The following NRXN3 variants were observed in gnomAD, a reference collection of about 807,000 sequenced individuals.
NRXN3 encodes neurexin III.
Under a neutral mutation model 137.6 loss-of-function variants are expected in NRXN3, and 32 were observed. The ratio of observed to expected loss-of-function variants is 0.23; its 90% confidence interval spans 0.18 to 0.31. NRXN3 has a LOEUF of 0.31. Ranked by LOEUF, NRXN3 falls within the 10% of genes least tolerant of loss-of-function variation. NRXN3 has a pLI of 1.00. For synonymous variants in NRXN3, 798 were observed against 784.5 expected (o/e 1.02, Z -0.29); for missense variants, 1,574 against 2,062.5 (o/e 0.76, Z 4.59).
chr14:79,025,844 G>T (rs2152464873), intron 15 of NRXN3, among the ~76,000 whole-genome samples: 1 of 152,232 alleles, frequency 6.6e-6, no homozygotes, highest in East Asian at 1.9e-4. Flanking sequence ...GCCAGGGTGA[G>T]GCAGCTGTTT....
intron 15 of NRXN3, among the ~76,000 whole-genome samples, chr14:79,446,447 A>G (rs746826764): frequency 2.6e-5 from 4 of 152,150 alleles, no homozygotes; most frequent in Non-Finnish European, 5.9e-5. Flanking sequence ...CTGATTTCCT[A>G]AAGTTTTTCA....
intron 4 of NRXN3, among the ~76,000 whole-genome samples, chr14:78,613,970 T>C (rs1011177341): frequency 2.6e-5 from 4 of 152,190 alleles, no homozygotes; most frequent in African/African-American, 7.2e-5. Flanking sequence ...AGTGAAATAA[T>C]TGATATTCAT....
rs74413149 is a variant in NRXN3 at position 78,489,004 on chromosome 14, G to C, written c.758-156116G>C. 3.3e-3 allele frequency among the ~76,000 whole-genome samples: 503 copies of C among 152,274 alleles called. 3 individuals are homozygous for C. Among genetic ancestry groups the C allele is most frequent in the African/African-American group, 0.012 (486 of 41,554 alleles). ...TCCCTCTCTTAGGAAACTCCCAGCT[G>C]CTTCTAAGAAAATAAGAGTGACTAC... is the stretch of plus-strand genomic sequence containing the variant. On this transcript the variant is annotated intron_variant, in intron 4 of 20. Coordinates refer to ENST00000335750, the MANE Select transcript of NRXN3 (RefSeq NM_001330195.2).
intron 19 of NRXN3, among the ~76,000 whole-genome samples, chr14:79,713,961 T>A (rs998831007): frequency 6.6e-6 from 1 of 152,168 alleles, no homozygotes; most frequent in Non-Finnish European, 1.5e-5. Context: ...TGTTTGCATG[T>A]CACTGGGTTC....
intron 4 of NRXN3, among the ~76,000 whole-genome samples, chr14:78,312,482 A>G (rs2078085647): frequency 6.6e-6 from 1 of 152,216 alleles, no homozygotes; most frequent in Non-Finnish European, 1.5e-5. Flanking sequence ...GATATTCACC[A>G]GGGACTGATT....
chr14:79,053,781 G>A (rs1372938761), intron 15 of NRXN3, among the ~76,000 whole-genome samples: 1 of 152,016 alleles, frequency 6.6e-6, no homozygotes, highest in Non-Finnish European at 1.5e-5. Flanking sequence ...CAACTGGAAG[G>A]CCAGCAGGAT....
intron 4 of NRXN3, among the ~76,000 whole-genome samples, chr14:78,337,419 A>T (rs899009434): frequency 6.6e-6 from 1 of 152,124 alleles, no homozygotes; most frequent in Non-Finnish European, 1.5e-5. Flanking sequence ...GAAGGTGGCA[A>T]TGGGGGTTAT....
At chr14:78,993,722 A>G (rs995255564) in intron 15 of NRXN3, among the ~76,000 whole-genome samples, 5 of 152,078 alleles carry the variant, frequency 3.3e-5, no homozygotes, top group African/African-American at 7.2e-5. Context: ...AGAAACATGA[A>G]CAGTGTATAG....
chr14:78,823,823 A>G (rs148536833), intron 10 of NRXN3, among the ~76,000 whole-genome samples: 1 of 152,006 alleles, frequency 6.6e-6, no homozygotes, highest in Non-Finnish European at 1.5e-5. Context: ...ATGCCTCTTC[A>G]TGGGTTACAC....
intron 4 of NRXN3, among the ~76,000 whole-genome samples, chr14:78,379,698 C>A (rs1356679082): frequency 6.6e-6 from 1 of 152,134 alleles, no homozygotes; most frequent in Non-Finnish European, 1.5e-5. Flanking sequence ...CATAAAGAAA[C>A]CCAGAATAAC....
intron 20 of NRXN3, among the ~76,000 whole-genome samples, chr14:79,828,297 T>C (rs2099311512): frequency 6.6e-6 from 1 of 151,980 alleles, no homozygotes; most frequent in Non-Finnish European, 1.5e-5. Context: ...AGTAAAGTGA[T>C]GAGTTCACTG....
chr14:79,777,014 C>G (rs1166458229), intron 19 of NRXN3, among the ~76,000 whole-genome samples: 1 of 152,144 alleles, frequency 6.6e-6, no homozygotes, highest in Admixed American at 6.5e-5. Context: ...TCCCTTCCCA[C>G]ACCTCCACCT....
chr14:78,321,139 A>G (rs2153558774), intron 4 of NRXN3, among the ~76,000 whole-genome samples: 1 of 151,988 alleles, frequency 6.6e-6, no homozygotes, highest in East Asian at 1.9e-4. Flanking sequence ...AAAGAAAAAG[A>G]AAAAAGATCA....
chr14:78,965,282 C>A (rs2099415261), intron 11 of NRXN3, among the ~76,000 whole-genome samples: 1 of 152,174 alleles, frequency 6.6e-6, no homozygotes, highest in African/African-American at 2.4e-5. Flanking sequence ...AATGCAGATT[C>A]TCAGGCCTCA....
chr14:78,902,668 G>C (rs961789511), intron 10 of NRXN3, among the ~76,000 whole-genome samples: 1 of 151,860 alleles, frequency 6.6e-6, no homozygotes, highest in Non-Finnish European at 1.5e-5. Flanking sequence ...TTGACTATAG[G>C]ATGAAATTTA....
chr14:79,349,585 C>G (rs945178133), intron 15 of NRXN3, among the ~76,000 whole-genome samples: 4 of 129,582 alleles, frequency 3.1e-5, no homozygotes, highest in Admixed American at 8.3e-5. Context: ...CACACACACA[C>G]ACAGACAATA....
chr14:78,353,375 C>T (rs2083829075), intron 4 of NRXN3, among the ~76,000 whole-genome samples: 1 of 152,142 alleles, frequency 6.6e-6, no homozygotes, highest in Non-Finnish European at 1.5e-5. Flanking sequence ...AAGATCAAGG[C>T]ACCAGCAGAT....
chr14:79,356,947 C>T (rs372864055), intron 15 of NRXN3, among the ~76,000 whole-genome samples: 1 of 152,080 alleles, frequency 6.6e-6, no homozygotes, highest in Non-Finnish European at 1.5e-5. Flanking sequence ...AGGCTGGTCT[C>T]GAACTCCTCA....
At position 79,806,454 on chromosome 14, in the gene NRXN3, C is replaced by A. The variant is rs182743564; in HGVS notation, c.4093+1264C>A. 1.6e-3 allele frequency among the ~76,000 whole-genome samples: 249 copies of A among 152,214 alleles called. 2 individuals are homozygous for A. Among genetic ancestry groups the A allele is most frequent in the African/African-American group, 5.8e-3 (240 of 41,544 alleles). The stretch of plus-strand genomic sequence containing the variant: ...TCATTAATATGATAGGGCTTCCATT[C>A]TGGAGTGTAATCTGTTCCATTGGGA... On this transcript the variant is annotated intron_variant, in intron 20 of 20. Coordinates refer to ENST00000335750, the MANE Select transcript of NRXN3 (RefSeq NM_001330195.2).
Sources: allele counts gnomAD v4.1 joint callset (sites outside exome capture counted in the v4.1 genomes callset), GRCh38; gene constraint gnomAD v4.1.1; transcripts MANE v1.5; gene names NCBI Gene and HGNC (gene_info 2026-07-23, HGNC 2026-07-21).